Variants in CALM2 observed in about 807,000 individuals in gnomAD.
The protein encoded by CALM2 is calmodulin 2.
CALM2 carries 2 observed loss-of-function variants against 19.8 expected under a neutral mutation model. That is an observed-to-expected ratio of 0.10 (90% CI 0.04 to 0.32). The LOEUF is 0.32. CALM2 is among the 10% of genes least tolerant of loss of function. CALM2 has a pLI of 1.00. For missense variants in CALM2, 38 were observed against 178.7 expected (o/e 0.21, Z 4.49); for synonymous variants, 51 against 52.1 (o/e 0.98, Z 0.09).
At chr2:47,165,841 A>T (rs556387601) in intron 2 of CALM2, among the ~76,000 whole-genome samples, 1 of 152,352 alleles carries the variant, frequency 6.6e-6, no homozygotes, top group African/African-American at 2.4e-5. Context: ...AAAGCCCAAG[A>T]GCCACTTTTA....
chr2:47,169,224 C>A (rs140436581), intron 2 of CALM2, among the ~76,000 whole-genome samples: 1 of 152,124 alleles, frequency 6.6e-6, no homozygotes, highest in East Asian at 1.9e-4. Context: ...AAATGTATTA[C>A]AGAAGGTCAG....
At chr2:47,173,780 G>GT (rs890580444) in intron 1 of CALM2, 23 of 152,244 alleles carry the variant, frequency 1.5e-4, no homozygotes, top group African/African-American at 5.3e-4. Context: ...CCTATATGAA[G>GT]TTTTTTCTAC....
chr2:47,172,719 G>A (rs1362955589), intron 1 of CALM2: 14 of 265,800 alleles, frequency 5.3e-5, no homozygotes, highest in Admixed American at 3.7e-4. Flanking sequence ...TGAGCTAAAT[G>A]TGTGGCAGAC....
chr2:47,165,412 C>T (rs1344856019), intron 2 of CALM2, among the ~76,000 whole-genome samples: 2 of 152,012 alleles, frequency 1.3e-5, no homozygotes, highest in African/African-American at 2.4e-5. Context: ...ACCTGGTCAC[C>T]CCCCATAAAA....
chr2:47,162,171 C>CAAAAAAAAAAAAAAAAAAA (rs56839340), intron 4 of CALM2, 115 bp downstream of exon 4: 7 of 130,110 alleles, frequency 5.4e-5, no homozygotes, highest in Non-Finnish European at 6.6e-5. Context: ...GGTAAATCAT[C>CAAAAAAAAAAAAAAAAAAA]AAAAAAAAAA....
chr2:47,170,517 T>C (rs1276669550), intron 2 of CALM2, among the ~76,000 whole-genome samples: 4 of 152,212 alleles, frequency 2.6e-5, no homozygotes, highest in South Asian at 2.1e-4. Flanking sequence ...CTAAAATACA[T>C]GTCTTTAACT....
At chr2:47,175,786 G>A (rs1412176665) in intron 1 of CALM2, among the ~76,000 whole-genome samples, 1 of 149,568 alleles carries the variant, frequency 6.7e-6, no homozygotes, top group Non-Finnish European at 1.5e-5. Context: ...GCCGAGCGGG[G>A]CGGCGGCTCC....
rs147320726 is a variant in CALM2 at position 47,175,349 on chromosome 2, T to C, written c.3+1092A>G. On this transcript the variant is annotated intron_variant, in intron 1 of 5. Transcript: ENST00000272298. ...TAGGACTGCACGCTGTTTTCAAGCATAGAATAGGGACAGGGGCTCTTCAAA... is the reference window on the plus strand; with the variant it reads ...TAGGACTGCACGCTGTTTTCAAGCACAGAATAGGGACAGGGGCTCTTCAAA... Among the ~76,000 whole-genome samples the C allele has an allele frequency of 5.1e-4, 77 of 152,162 alleles. 1 individual carries two copies. Among genetic ancestry groups the C allele is most frequent in the African/African-American group, 1.8e-3 (74 of 41,524 alleles).
intron 2 of CALM2, chr2:47,167,817 T>TTTTTTTTTTTTTTTTTTTTTA (rs70940664): frequency 7.0e-6 from 1 of 142,978 alleles, no homozygotes; most frequent in African/African-American, 2.7e-5. Flanking sequence ...TTCTTTTCTT[T>TTTTTTTTTTTTTTTTTTTTTA]GAGACAGGGT....
chr2:47,176,650 AC>A, upstream of CALM2: 1 of 1,472,652 alleles, frequency 6.8e-7, no homozygotes, highest in Non-Finnish European at 9.0e-7. Context: ...CCCTTTCTTC[AC>A]AGTTATTTGG....
At chr2:47,169,958 T>C (rs1433741293) in intron 2 of CALM2, among the ~76,000 whole-genome samples, 1 of 14,024 alleles carries the variant, frequency 7.1e-5, no homozygotes. Flanking sequence ...ATTTCAACAC[T>C]ACAATAAAAA....
At chr2:47,168,168 C>T (rs370598754) in intron 2 of CALM2, among the ~76,000 whole-genome samples, 3 of 152,058 alleles carry the variant, frequency 2.0e-5, no homozygotes, top group African/African-American at 4.8e-5. Context: ...GGTCCCTGAC[C>T]GCACATGATT....
chr2:47,164,888 G>A (rs181395229), intron 2 of CALM2, among the ~76,000 whole-genome samples: 22 of 152,216 alleles, frequency 1.4e-4, no homozygotes, highest in East Asian at 1.9e-4. Flanking sequence ...TCCAATTCGC[G>A]TACACCTTCC....
At chr2:47,165,474 A>C (rs76919044) in intron 2 of CALM2, among the ~76,000 whole-genome samples, 1 of 152,222 alleles carries the variant, frequency 6.6e-6, no homozygotes, top group East Asian at 1.9e-4. Context: ...TACATACTTA[A>C]TAAATGTCAA....
intron 2 of CALM2, among the ~76,000 whole-genome samples, chr2:47,166,493 G>C (rs1286181735): frequency 2.0e-5 from 3 of 152,082 alleles, no homozygotes; most frequent in African/African-American, 7.2e-5. Context: ...ATGTTTGCTA[G>C]AATAAGTAAA....
In CALM2 at chr2:47,172,430, G is replaced by A. The variant is rs780054532; in HGVS notation, c.4-1666C>T. ...AATACTTACCTTGCAGGGTTGTTGTGCAAAGTGAGATGCTATGTACAAAGC... is the reference window on the plus strand; with the variant it reads ...AATACTTACCTTGCAGGGTTGTTGTACAAAGTGAGATGCTATGTACAAAGC... On this transcript the variant is annotated intron_variant, in intron 1 of 5. Coordinates refer to ENST00000272298, the MANE Select transcript of CALM2 (RefSeq NM_001743.6). 69 of 847,518 alleles carry A rather than the reference G, an allele frequency of 8.1e-5. 1 individual carries two copies. In the South Asian group the frequency reaches 9.0e-4, roughly 11 times the overall value. The allele number at this position is 847,518 out of a possible 1,614,324, so 52.5% of individuals were successfully genotyped here.
chr2:47,174,729 GAA>G (rs1666790489), intron 1 of CALM2, among the ~76,000 whole-genome samples: 1 of 151,344 alleles, frequency 6.6e-6, no homozygotes, highest in Non-Finnish European at 1.5e-5. Flanking sequence ...ACTGATTAAA[GAA>G]AACTTTACCC....
At chr2:47,165,645 T>C (rs549923236) in intron 2 of CALM2, among the ~76,000 whole-genome samples, 32 of 152,276 alleles carry the variant, frequency 2.1e-4, no homozygotes, top group African/African-American at 7.5e-4. Context: ...AATTTTATCC[T>C]TTTTTTCCAC....
chr2:47,160,639 G>T lies in CALM2; in HGVS notation c.*137C>A. The T allele has an allele frequency of 1.9e-6, 1 of 521,012 alleles. No individual in the cohort carries two copies. Among genetic ancestry groups the T allele is most frequent in the Non-Finnish European group, 3.5e-6 (1 of 288,490 alleles). The allele number at this position is 521,012 out of a possible 1,614,324, so 32.3% of individuals were successfully genotyped here. A position where few individuals can be genotyped will look rare whatever the true frequency, so the allele number is the denominator to read the frequency against. ...CAGTAAGATAAGGGAAGAAAACATG[G>T]AGGAATGAAGTCCTAATTACTATAC... is the stretch of plus-strand genomic sequence containing the variant. On this transcript the variant is annotated 3_prime_UTR_variant, in exon 6 of 6. Coordinates refer to ENST00000272298, the MANE Select transcript of CALM2 (RefSeq NM_001743.6).
Sources: allele counts gnomAD v4.1 joint callset (sites outside exome capture counted in the v4.1 genomes callset), GRCh38; gene constraint gnomAD v4.1.1; transcripts MANE v1.5; gene names NCBI Gene and HGNC (gene_info 2026-07-23, HGNC 2026-07-21).